Variants in TEP1 observed in about 807,000 individuals in gnomAD.
TEP1 encodes telomerase protein component 1.
A neutral mutation model predicts 306.3 loss-of-function variants in TEP1; 241 were observed. The ratio of observed to expected loss-of-function variants is 0.79; its 90% CI spans 0.71 to 0.88. TEP1 has a LOEUF of 0.88. Among genes scored for constraint, TEP1 ranks in the 40% least tolerant of loss-of-function variants. TEP1 has a pLI of 0.00. For missense variants in TEP1, 3,051 were observed against 3,276.1 expected (o/e 0.93, Z 1.68); for synonymous variants, 1,289 against 1,305.5 (o/e 0.99, Z 0.27).
chr14:20,384,568 T>G, intron 22 of TEP1, 32 bp downstream of exon 22: 1 of 1,613,564 alleles, frequency 6.2e-7, no homozygotes, highest in Non-Finnish European at 8.5e-7. Context: ...ACCACATCTC[T>G]GTACAGGTGC....
In TEP1 at chr14:20,377,604, A is replaced by G. The variant is rs1425269776; in HGVS notation, c.5871T>C (p.Ser1957=). 1 of 1,611,452 alleles carries G rather than the reference A, an allele frequency of 6.2e-7. No individual in the cohort carries two copies. Among genetic ancestry groups the G allele is most frequent in the Admixed American group, 1.7e-5 (1 of 60,018 alleles). Residue 1957 remains serine (S), a synonymous_variant, in exon 40 of 55, where the codon TCT becomes TCC. Transcript: ENST00000262715. The part of the protein sequence containing the change: ...RADGIRIYKI[S]SGSQGAQGQA... ...CACCCATTCCCATTTCAGTACCTGA[A>G]GAGATTTTGTAGATCCTAATGCCAT...
chr14:20,395,367 A>T, intron 12 of TEP1, 83 bp downstream of exon 12: 4 of 1,383,676 alleles, frequency 2.9e-6, no homozygotes, highest in Non-Finnish European at 3.9e-6. Flanking sequence ...ACAGAAAAAC[A>T]GTTGGGATTC....
intron 43 of TEP1, 116 bp downstream of exon 43, chr14:20,375,639 G>T: frequency 1.5e-6 from 1 of 649,830 alleles, no homozygotes; most frequent in Non-Finnish European, 2.7e-6. Flanking sequence ...TATCAAGTTT[G>T]ACAAATATTA....
chr14:20,389,409 T>A, intron 16 of TEP1, 112 bp from the exon 17 acceptor site: 2 of 1,449,882 alleles, frequency 1.4e-6, no homozygotes, highest in Non-Finnish European at 1.9e-6. Flanking sequence ...AATAGGGTTA[T>A]GTGGTAGGCT....
intron 3 of TEP1, 54 bp from the exon 4 acceptor site, chr14:20,405,639 T>G: frequency 6.3e-7 from 1 of 1,593,120 alleles, no homozygotes; most frequent in Non-Finnish European, 8.6e-7. Context: ...AGGACCAACT[T>G]AAGCATCCAT....
At chr14:20,383,977 CT>C in intron 24 of TEP1, 59 bp from the exon 25 acceptor site, 5 of 1,586,126 alleles carry the variant, frequency 3.2e-6, no homozygotes, top group Non-Finnish European at 4.3e-6. Context: ...CTCCCTGTGC[CT>C]TACCTCCTTA....
At chr14:20,380,818 G>C (rs1227161599) in intron 33 of TEP1, 113 bp downstream of exon 33, 6 of 915,018 alleles carry the variant, frequency 6.6e-6, no homozygotes, top group Non-Finnish European at 1.0e-5. Flanking sequence ...ATGGAAATTT[G>C]AATCTTTTTT....
At chr14:20,403,977 C>A in intron 5 of TEP1, 93 bp from the exon 6 acceptor site, 1 of 1,535,894 alleles carries the variant, frequency 6.5e-7, no homozygotes, top group Non-Finnish European at 8.8e-7. Flanking sequence ...CACGAGAGCA[C>A]AGAGTAGCGA....
At position 20,376,174 on chromosome 14, in the gene TEP1, T is replaced by C. The variant is rs1246928165; in HGVS notation, c.6179A>G (p.His2060Arg). 2.5e-6 allele frequency: 4 copies of C among 1,614,164 alleles called. No individual in the cohort carries two copies. The highest frequency in any genetic ancestry group is 1.7e-5 in the Admixed American group (1 of 60,026). ...ACTACAGCAGCTCACAGGGCCCTCATGTCCCCGCAGCTCAGTGCCACAGGG... is the reference window on the plus strand; with the variant it reads ...ACTACAGCAGCTCACAGGGCCCTCACGTCCCCGCAGCTCAGTGCCACAGGG... The part of the protein sequence containing the change: ...DFPCGTELRG[H>R]EGPVSCCSFS... Residue 2060 changes from histidine (H) to arginine (R), a missense_variant, in exon 42 of 55, where the codon CAT becomes CGT. Physicochemically the swap from His to Arg is conservative, Grantham distance 29. Coordinates refer to ENST00000262715, the MANE Select transcript of TEP1 (RefSeq NM_007110.5).
At chr14:20,399,632 T>TAA (rs71416944) in intron 9 of TEP1, among the ~76,000 whole-genome samples, 1,913 of 78,638 alleles carry the variant, frequency 0.024, 115 homozygotes, top group African/African-American at 0.096. Flanking sequence ...CCCTGTTTCT[T>TAA]AAAAAAAAAA....
chr14:20,393,289 A>G (rs8010863), intron 12 of TEP1, among the ~76,000 whole-genome samples: 44,125 of 152,092 alleles, frequency 0.29, 6,878 homozygotes, highest in Non-Finnish European at 0.35. Context: ...TAGTTTTATG[A>G]AAGTCTATTA....
At chr14:20,390,556 A>T (rs113176194) in intron 15 of TEP1, 125 bp downstream of exon 15, 5 of 867,752 alleles carry the variant, frequency 5.8e-6, no homozygotes, top group Non-Finnish European at 9.2e-6. Flanking sequence ...GGTTGTAGCC[A>T]GTAGAGCTGA....
At chr14:20,369,291 A>C in intron 53 of TEP1, 53 bp downstream of exon 53, 1 of 1,584,868 alleles carries the variant, frequency 6.3e-7, no homozygotes, top group Non-Finnish European at 8.7e-7. Flanking sequence ...TATAGGTGTG[A>C]GCCACTGCTC....
In TEP1 at chr14:20,386,116, G is replaced by A. The variant is rs756229860; in HGVS notation, c.2941C>T (p.Pro981Ser). The A allele has an allele frequency of 6.2e-7, 1 of 1,613,174 alleles. No individual in the cohort carries two copies. The highest frequency in any genetic ancestry group is 1.1e-5 in the South Asian group (1 of 90,854). ...GILGSRYGYI[P>S]PSYNLPDHPH... is the part of the protein sequence containing the mutation. ...TGGTCAGGAAGGTTGTAGCTGGGGGGAATGTATCCATAACGGGAGCCCAGA... is the reference window on the plus strand; with the variant it reads ...TGGTCAGGAAGGTTGTAGCTGGGGGAAATGTATCCATAACGGGAGCCCAGA... The change falls in exon 20 of 55, where the codon CCC becomes TCC. Residue 981 changes from proline to serine, a missense_variant. Pro to Ser is a moderately conservative substitution (Grantham distance 74). Around this residue, in one of 3 missense-constraint regions of TEP1, gnomAD observed 1,507 missense variants for 1,550.5 expected, o/e 0.97. Transcript: ENST00000262715.
Position 20,377,226 on chromosome 14 carries a change from A to G in TEP1, c.6088+54T>C, listed in dbSNP as rs1029018137. The G allele has an allele frequency of 4.8e-5, 69 of 1,446,252 alleles. No individual in the cohort carries two copies. The African/African-American group carries it at 9.1e-4, about 19-fold the overall frequency. The allele number at this position is 1,446,252 out of a possible 1,614,324, so 89.6% of individuals were successfully genotyped here. ...GTGAAGCTCTGTCTTAAAAAAAAAA[A>G]AAAGAAAAGAAAAGAACAGTAATTT... On this transcript the variant is annotated intron_variant, in intron 41 of 54. Coordinates refer to ENST00000262715, the MANE Select transcript of TEP1 (RefSeq NM_007110.5).
chr14:20,385,212 T>G, intron 20 of TEP1, 103 bp from the exon 21 acceptor site: 1 of 1,439,712 alleles, frequency 6.9e-7, no homozygotes, highest in Non-Finnish European at 9.5e-7. Context: ...TGTTCCTCTC[T>G]CCTTCCCTCC....
Position 20,369,470 on chromosome 14 carries a change from G to T in TEP1, c.7530C>A (p.Asn2510Lys). The change falls in exon 53 of 55, where the codon AAC becomes AAA. Residue 2510 changes from asparagine to lysine, a missense_variant. Asn to Lys is a moderately conservative substitution (Grantham distance 94, BLOSUM62 0). Coordinates refer to ENST00000262715, the MANE Select transcript of TEP1 (RefSeq NM_007110.5). Reference sequence around the variant, plus strand: ...TCCCTGGAGTTTGGGTTTCTGGAGTGTTTGCTTTTTTCTGCCACATGTTAC... The same window carrying T: ...TCCCTGGAGTTTGGGTTTCTGGAGTTTTTGCTTTTTTCTGCCACATGTTAC... ...TTGNMWQKKA[N>K]TPETQTPGTD... 6.2e-7 allele frequency: 1 copy of T among 1,614,126 alleles called. No individual in the cohort carries two copies. The highest frequency in any genetic ancestry group is 8.5e-7 in the Non-Finnish European group (1 of 1,180,030).
rs1294381093 is a variant in TEP1 at position 20,390,769 on chromosome 14, G to C, written c.2257-11C>G. 1.9e-6 allele frequency: 3 copies of C among 1,613,982 alleles called. No individual in the cohort carries two copies. The highest frequency in any genetic ancestry group is 3.3e-5 in the Admixed American group (2 of 60,010). On this transcript the variant is annotated splice_polypyrimidine_tract_variant and intron_variant, in intron 14 of 54. Transcript: ENST00000262715. The stretch of plus-strand genomic sequence containing the variant: ...ATTTTCATCAAACTCCTGAAGGAAA[G>C]AGACTTCATGTTATGTGGTTGCACA...
chr14:20,378,429 C>T lies in TEP1; in HGVS notation c.5459G>A (p.Trp1820Ter). The change falls in exon 38 of 55, where the codon TGG becomes TAG. Residue 1820 changes from tryptophan to a stop codon, truncating the protein, a stop_gained. Transcript: ENST00000262715. LOFTEE classifies it high-confidence loss of function. ...CTGGAAGAAGCTGATGCTGCCAGCC[C>T]AGCTGCCTGTGGCTATTACCTGCCC... ...PEGQVIATGS[W>*]AGSISFFQVD... The T allele has an allele frequency of 6.2e-7, 1 of 1,614,224 alleles. No individual in the cohort carries two copies. Among genetic ancestry groups the T allele is most frequent in the Non-Finnish European group, 8.5e-7 (1 of 1,180,030 alleles).
Sources: gnomAD v4.1 joint callset for allele counts (sites outside exome capture counted in the v4.1 genomes callset) on GRCh38, gnomAD v4.1.1 for gene constraint, gnomAD v4.1.1 regional missense constraint, MANE v1.5 for transcripts, NCBI Gene and HGNC (gene_info 2026-07-23, HGNC 2026-07-21) for gene names.